Variants in CEP131 observed in about 807,000 individuals in gnomAD.
CEP131 encodes centrosomal protein 131.
A neutral mutation model predicts 136.8 loss-of-function variants in CEP131; 99 were observed. The observed-to-expected ratio is 0.72, with a 90% CI of 0.62 to 0.86. CEP131 has a LOEUF of 0.86. Ranked by LOEUF, CEP131 falls within the 40% of genes least tolerant of loss-of-function variation. CEP131 has a pLI of 0.00. For synonymous variants in CEP131, 646 were observed against 612.7 expected (o/e 1.05, Z -0.80); for missense variants, 1,459 against 1,463.0 (o/e 1.00, Z 0.04).
At chr17:81,202,488 G>T (rs549395112) in intron 6 of CEP131, 90 bp from the exon 7 acceptor site, 1 of 1,479,152 alleles carries the variant, frequency 6.8e-7, no homozygotes, top group Non-Finnish European at 9.1e-7. Context: ...GGAAGTCCCA[G>T]GACTGAGCCT....
In CEP131 at chr17:81,219,370, C is replaced by T. The variant is rs1003248986; in HGVS notation, c.177+510G>A. Among the ~76,000 whole-genome samples, 16 of 151,550 alleles carry T rather than the reference C, an allele frequency of 1.1e-4. No homozygotes were observed. The East Asian group carries it at 1.9e-3, about 18-fold the overall frequency. On this transcript the variant is annotated intron_variant, in intron 2 of 25. Coordinates refer to ENST00000450824, the MANE Select transcript of CEP131 (RefSeq NM_014984.4). The surrounding 1 kb of genome is among the most constrained non-coding windows in gnomAD (Gnocchi z 4.0). ...GTGCAACGGCACGATCTCGGCTCAC[C>T]GCAACCTCTGCCTCCTGGGTTCGAG...
chr17:81,204,889 G>GT (rs142944559), intron 5 of CEP131, among the ~76,000 whole-genome samples: 9,100 of 152,292 alleles, frequency 0.06, 366 homozygotes, highest in Non-Finnish European at 0.094. Flanking sequence ...AATTTGGGTG[G>GT]TGTGAATAAC....
chr17:81,208,846 AGAG>A lies in CEP131; in HGVS notation c.272+79_272+81del. The A allele has an allele frequency of 1.8e-6, 2 of 1,094,624 alleles. No individual in the cohort carries two copies. Among genetic ancestry groups the A allele is most frequent in the South Asian group, 2.7e-5 (2 of 75,120 alleles). 67.8% of individuals were successfully genotyped at this position (1,094,624 alleles called of 1,614,324 possible). ...CAGGAGGCTGGAGGAAGGGCAGAGCAGAGGCAGGGAGGAGCAGGCCAGGGTGGG... is the reference window on the plus strand; with the variant it reads ...CAGGAGGCTGGAGGAAGGGCAGAGCAGCAGGGAGGAGCAGGCCAGGGTGGG... On this transcript the variant is annotated intron_variant, in intron 3 of 25. Coordinates refer to ENST00000450824, the MANE Select transcript of CEP131 (RefSeq NM_014984.4). The surrounding 1 kb of genome is among the most constrained non-coding windows in gnomAD (Gnocchi z 5.6).
chr17:81,218,015 C>T (rs892464463), intron 2 of CEP131, among the ~76,000 whole-genome samples: 1 of 151,854 alleles, frequency 6.6e-6, no homozygotes, highest in Non-Finnish European at 1.5e-5. Context: ...CCCTCTCCCT[C>T]TCCCTCCCCC....
intron 7 of CEP131, among the ~76,000 whole-genome samples, chr17:81,201,889 C>T (rs1177269667): frequency 6.6e-6 from 1 of 152,076 alleles, no homozygotes; most frequent in Non-Finnish European, 1.5e-5. Context: ...ATCACGAGGT[C>T]AGGAGATCGA....
chr17:81,204,385 A>G (rs1444754817), intron 5 of CEP131, among the ~76,000 whole-genome samples: 3 of 152,160 alleles, frequency 2.0e-5, no homozygotes, highest in Non-Finnish European at 4.4e-5. Context: ...CCGGGCAGCC[A>G]GGACTCGAAC....
Position 81,215,807 on chromosome 17 carries a change from A to C in CEP131, c.177+4073T>G, listed in dbSNP as rs2062233046. Among the ~76,000 whole-genome samples, 1 of 152,224 alleles carries C rather than the reference A, an allele frequency of 6.6e-6. No homozygotes were observed. Among genetic ancestry groups the C allele is most frequent in the African/African-American group, 2.4e-5 (1 of 41,466 alleles). On this transcript the variant is annotated intron_variant, in intron 2 of 25. Transcript: ENST00000450824. This position sits in a 1 kb window ranked among gnomAD's most constrained non-coding sequence, Gnocchi z 4.1. Reference sequence around the variant, plus strand: ...GTATTTACATGTATGCAAAATGGCAAAGACACAGGGTATTTGCTGTGCCAC... The same window carrying C: ...GTATTTACATGTATGCAAAATGGCACAGACACAGGGTATTTGCTGTGCCAC...
intron 17 of CEP131, 110 bp downstream of exon 17, chr17:81,194,760 C>T (rs2061717535): frequency 3.2e-6 from 3 of 933,470 alleles, no homozygotes; most frequent in African/African-American, 1.6e-5. Context: ...CACCTCTGCC[C>T]AGGAAGGTCT....
intron 2 of CEP131, among the ~76,000 whole-genome samples, chr17:81,216,560 C>T (rs2146729320): frequency 6.6e-6 from 1 of 152,218 alleles, no homozygotes; most frequent in Admixed American, 6.5e-5. Flanking sequence ...AATGCAGGAG[C>T]CCCACGCAGC....
In CEP131 at chr17:81,198,308, G is replaced by A; in HGVS notation, c.1288-11C>T. The A allele has an allele frequency of 6.3e-7, 1 of 1,583,938 alleles. No individual in the cohort carries two copies. The highest frequency in any genetic ancestry group is 8.6e-7 in the Non-Finnish European group (1 of 1,162,970). ...CTGGGCAAGAACGTCCTGCAAAAGA[G>A]CAGGGAGACAGATGCAGCAAGGCTG... On this transcript the variant is annotated splice_polypyrimidine_tract_variant and intron_variant, in intron 11 of 25. Coordinates refer to ENST00000450824, the MANE Select transcript of CEP131 (RefSeq NM_014984.4).
intron 13 of CEP131, chr17:81,197,306 C>T: frequency 3.5e-6 from 2 of 578,394 alleles, no homozygotes; most frequent in African/African-American, 3.7e-5. Context: ...TGCCCAGCTT[C>T]CTGCCCTGTG....
chr17:81,196,497 G>A (rs2061757495), intron 15 of CEP131, among the ~76,000 whole-genome samples: 1 of 152,248 alleles, frequency 6.6e-6, no homozygotes, highest in South Asian at 2.1e-4. Context: ...CTCACACGGG[G>A]CGGCTCTGGA....
rs778916273 is a variant in CEP131, at chr17:81,207,157, G to A, written c.355C>T (p.Pro119Ser). ...KKRPASLSTA[P>S]SEKGATWNVL... ...TTCCAGGTGGCTCCCTTCTCGCTGG[G>A]GGCTGTGCTCAGGCTGGCAGGCCTC... Residue 119 changes from proline (P) to serine (S), a missense_variant, in exon 4 of 26, where the codon CCC (proline) becomes TCC (serine). By Grantham distance (74) the Pro-to-Ser change is moderately conservative. This residue lies in a region of CEP131 where 187 missense variants were observed against 179.9 expected (regional missense o/e 1.04). Coordinates refer to ENST00000450824, the MANE Select transcript of CEP131 (RefSeq NM_014984.4). The A allele has an allele frequency of 1.2e-6, 2 of 1,613,384 alleles. No individual in the cohort carries two copies. The highest frequency in any genetic ancestry group is 1.3e-5 in the African/African-American group (1 of 74,888).
Position 81,208,156 on chromosome 17 carries a change from G to T in CEP131, c.272+772C>A, listed in dbSNP as rs957288866. The stretch of plus-strand genomic sequence containing the variant: ...CACACACACACACCAGCTGGCCTTG[G>T]CAGTCCCTTGCTTGGTGGGACTCCA... On this transcript the variant is annotated intron_variant, in intron 3 of 25. Transcript: ENST00000450824. This position sits in a 1 kb window ranked among gnomAD's most constrained non-coding sequence, Gnocchi z 5.6. 6.7e-6 allele frequency among the ~76,000 whole-genome samples: 1 copy of T among 149,850 alleles called. No homozygotes were observed. Among genetic ancestry groups the T allele is most frequent in the Non-Finnish European group, 1.5e-5 (1 of 67,186 alleles).
chr17:81,221,474 A>G (rs1451817489), intron 1 of CEP131, among the ~76,000 whole-genome samples: 1 of 151,454 alleles, frequency 6.6e-6, no homozygotes, highest in Non-Finnish European at 1.5e-5. Flanking sequence ...TACACATCCA[A>G]CTCCTGCAAG....
At chr17:81,190,831 G>T in intron 23 of CEP131, 29 bp from the exon 24 acceptor site, 1 of 1,591,066 alleles carries the variant, frequency 6.3e-7, no homozygotes, top group Non-Finnish European at 8.6e-7. Context: ...CAGTGAGCCG[G>T]CTGCCAGCGA....
chr17:81,203,645 C>G lies in CEP131; in HGVS notation c.516-38G>C. 4 of 1,499,026 alleles carry G rather than the reference C, an allele frequency of 2.7e-6. No homozygotes were observed. The highest frequency in any genetic ancestry group is 2.7e-6 in the Non-Finnish European group (3 of 1,101,450). The allele number at this position is 1,499,026 out of a possible 1,614,324, so 92.9% of individuals were successfully genotyped here. On this transcript the variant is annotated intron_variant, in intron 5 of 25. Transcript: ENST00000450824. This position sits in a 1 kb window ranked among gnomAD's most constrained non-coding sequence, Gnocchi z 4.6. ...AAGAGAGACAGGAATGGTCAGGCCT[C>G]TGGAGGGGACGCCTGAGATCTCAGA... is the stretch of plus-strand genomic sequence containing the variant.
chr17:81,216,049 T>C (rs1598323484), intron 2 of CEP131, among the ~76,000 whole-genome samples: 1 of 150,462 alleles, frequency 6.6e-6, no homozygotes. Context: ...GTGAGACCCC[T>C]GTCCCTACAA....
In CEP131 at chr17:81,194,129, T is replaced by G. The variant is rs1023165976; in HGVS notation, c.2120-2A>C. On this transcript the variant is annotated splice_acceptor_variant, in intron 17 of 25. Transcript: ENST00000450824. LOFTEE classifies it high-confidence loss of function. ...GCTTCTGGATCTCGGGCTCCAGACCTGGGGGCGGGGCACCAGCTAGGGCCA... is the reference window on the plus strand; with the variant it reads ...GCTTCTGGATCTCGGGCTCCAGACCGGGGGGCGGGGCACCAGCTAGGGCCA... 1 of 1,518,846 alleles carries G rather than the reference T, an allele frequency of 6.6e-7. No homozygotes were observed. The highest frequency in any genetic ancestry group is 8.8e-7 in the Non-Finnish European group (1 of 1,134,898). The allele number at this position is 1,518,846 out of a possible 1,614,324, so 94.1% of individuals were successfully genotyped here.
Sources: gnomAD v4.1 joint callset for allele counts (sites outside exome capture counted in the v4.1 genomes callset) on GRCh38, gnomAD v4.1.1 for gene constraint, gnomAD v4.1.1 regional missense constraint, Gnocchi (gnomAD v3.1) non-coding constraint, MANE v1.5 for transcripts, NCBI Gene and HGNC (gene_info 2026-07-23, HGNC 2026-07-21) for gene names.